Variants in PCLO observed in about 807,000 individuals in gnomAD.
The protein encoded by PCLO is protein piccolo.
A neutral mutation model predicts 427.5 loss-of-function variants in PCLO; 82 were observed. The observed-to-expected ratio is 0.19, with a 90% CI of 0.16 to 0.23. The LOEUF is 0.23. Ranked by LOEUF, PCLO falls within the 10% of genes least tolerant of loss-of-function variation. PCLO has a pLI of 1.00. For missense variants in PCLO, 6,239 were observed against 6,115.9 expected (o/e 1.02, Z -0.67); for synonymous variants, 2,357 against 2,155.4 (o/e 1.09, Z -2.59).
intron 10 of PCLO, among the ~76,000 whole-genome samples, chr7:82,868,468 T>C (rs1793151161): frequency 6.6e-6 from 1 of 152,196 alleles, no homozygotes; most frequent in Admixed American, 6.6e-5. Flanking sequence ...ACCCTGTCAG[T>C]TCATCTTTAA....
At chr7:83,142,278 G>A (rs1376889509) in intron 2 of PCLO, among the ~76,000 whole-genome samples, 3 of 151,958 alleles carry the variant, frequency 2.0e-5, no homozygotes, top group Admixed American at 6.6e-5. Flanking sequence ...TTCTTCAATC[G>A]TGCTATTTTC....
chr7:82,998,437 T>A (rs867855470), intron 3 of PCLO, among the ~76,000 whole-genome samples: 17 of 131,924 alleles, frequency 1.3e-4, no homozygotes, highest in African/African-American at 2.7e-4. Flanking sequence ...CAACAACAAC[T>A]ATTAATCCAG....
intron 9 of PCLO, among the ~76,000 whole-genome samples, chr7:82,897,333 AC>A (rs1355477022): frequency 6.6e-6 from 1 of 151,596 alleles, no homozygotes; most frequent in Non-Finnish European, 1.5e-5. Flanking sequence ...TTGTTGATAA[AC>A]ACTTACATCT....
At position 83,027,750 on chromosome 7, in the gene PCLO, T is replaced by A. The variant is rs867630990; in HGVS notation, c.3301-61263A>T. Among the ~76,000 whole-genome samples, 89 of 118,298 alleles carry A rather than the reference T, an allele frequency of 7.5e-4. 1 individual carries two copies. The highest frequency in any genetic ancestry group is 7.9e-3 in the Middle Eastern group (2 of 252). The allele number at this position is 118,298 out of a possible 152,430, so 77.6% of individuals were successfully genotyped here. On this transcript the variant is annotated intron_variant, in intron 3 of 24. Transcript: ENST00000333891. ...GAATCCAGCAGCACATCAAAAAGCTTATCCACCATGATCAAGTGGGCTTCA... is the reference window on the plus strand; with the variant it reads ...GAATCCAGCAGCACATCAAAAAGCTAATCCACCATGATCAAGTGGGCTTCA...
chr7:82,758,852 A>G (rs1562772551), intron 24 of PCLO, 137 bp from the exon 25 acceptor site: 2 of 554,102 alleles, frequency 3.6e-6, no homozygotes, highest in Non-Finnish European at 6.3e-6. Flanking sequence ...AGTAGCAGAC[A>G]TATTTGCAGG....
chr7:83,038,019 A>ATATATCTT (rs1379388561), intron 3 of PCLO, among the ~76,000 whole-genome samples: 1 of 47,054 alleles, frequency 2.1e-5, no homozygotes, highest in Non-Finnish European at 3.5e-5. Flanking sequence ...ATATATATAT[A>ATATATCTT]TATATATATA....
At chr7:83,144,633 T>A (rs1170312972) in intron 2 of PCLO, among the ~76,000 whole-genome samples, 2 of 152,210 alleles carry the variant, frequency 1.3e-5, no homozygotes. Context: ...ATCCGATTAA[T>A]CTGCATTACA....
intron 2 of PCLO, among the ~76,000 whole-genome samples, chr7:83,143,839 A>T (rs574121089): frequency 3.7e-4 from 56 of 152,314 alleles, no homozygotes; most frequent in Admixed American, 8.5e-4. Context: ...TCAAACTTTT[A>T]CACCTCAGTT....
chr7:82,889,422 A>G (rs181727949), intron 9 of PCLO, among the ~76,000 whole-genome samples: 3 of 152,312 alleles, frequency 2.0e-5, no homozygotes, highest in East Asian at 3.9e-4. Flanking sequence ...GCAACATGAT[A>G]TAAAATTTGG....
intron 10 of PCLO, among the ~76,000 whole-genome samples, chr7:82,855,933 T>G (rs1437114900): frequency 6.6e-6 from 1 of 152,092 alleles, no homozygotes; most frequent in African/African-American, 2.4e-5. Flanking sequence ...ATTTTTTCAA[T>G]AAAAATTGCC....
At position 82,995,548 on chromosome 7, in the gene PCLO, G is replaced by A. The variant is rs532012473; in HGVS notation, c.3301-29061C>T. On this transcript the variant is annotated intron_variant, in intron 3 of 24. Transcript: ENST00000333891. ...AAGTAGCTCTTCTGAGAAATCTAGC[G>A]TGAAGGGGTGGGTGGAAATATTGCA... 2.1e-4 allele frequency among the ~76,000 whole-genome samples: 32 copies of A among 152,066 alleles called. 1 individual carries two copies. Among genetic ancestry groups the A allele is most frequent in the African/African-American group, 6.5e-4 (27 of 41,528 alleles).
At chr7:83,152,928 C>T (rs910587976) in intron 2 of PCLO, among the ~76,000 whole-genome samples, 5 of 152,156 alleles carry the variant, frequency 3.3e-5, no homozygotes, top group South Asian at 2.1e-4. Context: ...GAATATCTTC[C>T]ACATAGTAGG....
chr7:82,855,277 T>A (rs894800444), intron 10 of PCLO, among the ~76,000 whole-genome samples: 2 of 152,152 alleles, frequency 1.3e-5, no homozygotes, highest in African/African-American at 4.8e-5. Context: ...TAATCTGTTA[T>A]ACTATATATT....
At chr7:83,157,468 CAAGT>C (rs1009933635) in intron 1 of PCLO, among the ~76,000 whole-genome samples, 4 of 151,754 alleles carry the variant, frequency 2.6e-5, no homozygotes, top group Non-Finnish European at 5.9e-5. Flanking sequence ...TTAAATGTAG[CAAGT>C]AGTTAATTTT....
At chr7:83,069,274 G>A (rs565371653) in intron 3 of PCLO, among the ~76,000 whole-genome samples, 5 of 152,126 alleles carry the variant, frequency 3.3e-5, no homozygotes, top group South Asian at 2.1e-4. Flanking sequence ...CAGAACTGGC[G>A]TATAATATGC....
rs770617860 is a variant in PCLO, at chr7:82,954,121, C to G, written c.6832G>C (p.Val2278Leu). The G allele has an allele frequency of 4.3e-6, 7 of 1,613,854 alleles. No individual in the cohort carries two copies. Among genetic ancestry groups the G allele is most frequent in the Non-Finnish European group, 5.9e-6 (7 of 1,179,844 alleles). ...DMASSIIESV[V>L]PKPEGPVADT... Reference sequence around the variant, plus strand: ...GCAACTGGCCCTTCAGGTTTAGGTACTACAGATTCTATGATAGAAGATGCC... The same window carrying G: ...GCAACTGGCCCTTCAGGTTTAGGTAGTACAGATTCTATGATAGAAGATGCC... The change falls in exon 5 of 25, where the codon GTA becomes CTA. Residue 2278 changes from valine to leucine, a missense_variant. By Grantham distance (32) the Val-to-Leu change is conservative (BLOSUM62 1). Around this residue, in one of 5 missense-constraint regions of PCLO, gnomAD observed 4,677 missense variants for 4,468.4 expected, o/e 1.05. Transcript: ENST00000333891.
intron 3 of PCLO, among the ~76,000 whole-genome samples, chr7:83,129,102 A>G (rs1791510112): frequency 6.6e-6 from 1 of 152,182 alleles, no homozygotes; most frequent in African/African-American, 2.4e-5. Context: ...TAAACAATAT[A>G]GTAAAGAGAC....
chr7:82,916,763 G>A lies in PCLO; in HGVS notation c.11223C>T (p.Ser3741=), dbSNP rs1185167257. 1.6e-5 allele frequency: 26 copies of A among 1,613,502 alleles called. No homozygotes were observed. The highest frequency in any genetic ancestry group is 8.3e-5 in the Admixed American group (5 of 59,956). Residue 3741 remains serine (S), a synonymous_variant, in exon 7 of 25, where the codon AGC becomes AGT. Transcript: ENST00000333891. The part of the protein sequence containing the change: ...EISTGTQSTF[S]TMGTVSRRRI... ...TTCTCCTGGAAACTGTGCCCATTGTGCTGAATGTGGATTGAGTTCCTGTGG... is the reference window on the plus strand; with the variant it reads ...TTCTCCTGGAAACTGTGCCCATTGTACTGAATGTGGATTGAGTTCCTGTGG...
intron 24 of PCLO, among the ~76,000 whole-genome samples, chr7:82,760,066 A>G (rs990924849): frequency 6.6e-6 from 1 of 152,036 alleles, no homozygotes; most frequent in African/African-American, 2.4e-5. Context: ...GGGAGAAAAA[A>G]TATGAGCAAA....
Sources: gnomAD v4.1 joint callset for allele counts (sites outside exome capture counted in the v4.1 genomes callset) on GRCh38, gnomAD v4.1.1 for gene constraint, gnomAD v4.1.1 regional missense constraint, MANE v1.5 for transcripts, NCBI Gene and HGNC (gene_info 2026-07-23, HGNC 2026-07-21) for gene names.